Variants in PRDM16 observed in about 807,000 individuals in gnomAD.
PRDM16 encodes histone-lysine N-methyltransferase PRDM16.
In PRDM16, 23 loss-of-function variants were observed where a neutral mutation model predicts 110.6. That is an observed-to-expected ratio of 0.21 (90% CI 0.15 to 0.29). The LOEUF (loss-of-function observed/expected upper bound fraction) is 0.29, where lower values mean the gene tolerates loss of function less well. PRDM16 is among the 10% of genes least tolerant of loss of function. The probability of loss-of-function intolerance (pLI) is 1.00; values close to 1 mark genes in which losing one functional copy is unlikely to be tolerated. For missense variants in PRDM16, 1,615 were observed against 1,794.3 expected, an observed-to-expected ratio of 0.90 and a Z score of 1.81; for synonymous variants, 799 against 781.8, an observed-to-expected ratio of 1.02 and a Z score of -0.37.
chr1:3,091,026 G>A (rs999408930), intron 1 of PRDM16, among the ~76,000 whole-genome samples: 5 of 152,154 alleles, frequency 3.3e-5, no homozygotes, highest in South Asian at 2.1e-4. Context: ...AAGTCTGCCC[G>A]GAGACCTCAG....
intron 3 of PRDM16, among the ~76,000 whole-genome samples, chr1:3,251,878 A>G (rs1435449059): frequency 6.6e-6 from 1 of 152,166 alleles, no homozygotes; most frequent in African/African-American, 2.4e-5. Flanking sequence ...AGCCCTGGTT[A>G]GCCTCTTCTG....
In PRDM16 at chr1:3,258,806, C is replaced by T. The variant is rs1027010006; in HGVS notation, c.438+14669C>T. Among the ~76,000 whole-genome samples, 6 of 152,240 alleles carry T rather than the reference C, an allele frequency of 3.9e-5. No homozygotes were observed. In the South Asian group the frequency reaches 6.2e-4, roughly 16 times the overall value. On this transcript the variant is annotated intron_variant, in intron 3 of 16. Transcript: ENST00000270722. ...AGGGGAAGGGGTGAGCGCGCGGCGG[C>T]TTCTGCCGGGGAACAGGCTCCCTGC...
intron 3 of PRDM16, among the ~76,000 whole-genome samples, chr1:3,360,517 G>A (rs1249348904): frequency 1.3e-5 from 2 of 152,206 alleles, no homozygotes; most frequent in African/African-American, 4.8e-5. Context: ...AGTGCGGGAT[G>A]GACTGTGGCG....
intron 3 of PRDM16, among the ~76,000 whole-genome samples, chr1:3,355,608 C>T (rs747999677): frequency 2.4e-4 from 37 of 152,166 alleles, no homozygotes; most frequent in Admixed American, 3.3e-4. Flanking sequence ...ATCCGCTCGA[C>T]GGTGGGTGCT....
chr1:3,305,006 C>G (rs982496293), intron 3 of PRDM16, among the ~76,000 whole-genome samples: 2 of 152,212 alleles, frequency 1.3e-5, no homozygotes, highest in African/African-American at 4.8e-5. Context: ...CTGTGCACTT[C>G]TGACCAATCG....
chr1:3,092,328 G>T (rs2376816), intron 1 of PRDM16, among the ~76,000 whole-genome samples: 1 of 3,184 alleles, frequency 3.1e-4, no homozygotes, highest in Admixed American at 4.6e-3. Context: ...TGCTCCTGAG[G>T]GTATCAGCCC....
In PRDM16 at chr1:3,404,895, C is replaced by T. The variant is rs752780796; in HGVS notation, c.1032+9C>T. The stretch of plus-strand genomic sequence containing the variant: ...GTGAAAACTGCGTGAAGGTAACCTG[C>T]GGGGCGGCCCCGTCTCAGCCCCGGG... On this transcript the variant is annotated intron_variant, in intron 7 of 16. Transcript: ENST00000270722. 5.0e-6 allele frequency: 8 copies of T among 1,611,428 alleles called. No homozygotes were observed. Among genetic ancestry groups the T allele is most frequent in the African/African-American group, 4.0e-5 (3 of 74,860 alleles).
chr1:3,365,772 A>G (rs1319431928), intron 3 of PRDM16, among the ~76,000 whole-genome samples: 5 of 152,192 alleles, frequency 3.3e-5, no homozygotes, highest in Non-Finnish European at 5.9e-5. Flanking sequence ...GATTAATGAG[A>G]ATTATCATTT....
At chr1:3,283,754 C>T (rs1398131485) in intron 3 of PRDM16, among the ~76,000 whole-genome samples, 1 of 152,150 alleles carries the variant, frequency 6.6e-6, no homozygotes, top group African/African-American at 2.4e-5. Flanking sequence ...GACCAGACCT[C>T]AAGGTCAAAG....
intron 8 of PRDM16, among the ~76,000 whole-genome samples, chr1:3,408,532 GTGTGTGTGGACA>G (rs1643600319): frequency 6.6e-6 from 1 of 151,962 alleles, no homozygotes; most frequent in African/African-American, 2.4e-5. Context: ...GTGTGAGAGC[GTGTGTGTGGACA>G]CATGAGCTGG....
Position 3,411,526 on chromosome 1 carries a change from C to G in PRDM16, c.1329C>G (p.Arg443=), listed in dbSNP as rs982192290. ...CCTCCTCCCTCAACAAGCACCGGCG[C>G]TTCTGCGAGGGCAAGAACCATTACA... is the stretch of plus-strand genomic sequence containing the variant. The part of the protein sequence containing the change: ...STTSSLNKHR[R]FCEGKNHYTP... The change falls in exon 9 of 17, where the codon CGC becomes CGG. Residue 443 remains arginine, a synonymous_variant. Transcript: ENST00000270722. The G allele has an allele frequency of 1.2e-6, 2 of 1,614,194 alleles. No individual in the cohort carries two copies. Among genetic ancestry groups the G allele is most frequent in the Admixed American group, 3.3e-5 (2 of 60,032 alleles).
Position 3,143,164 on chromosome 1 carries a change from G to GC in PRDM16, c.38-42959dup, listed in dbSNP as rs1318570977. On this transcript the variant is annotated intron_variant, in intron 1 of 16. Transcript: ENST00000270722. The surrounding 1 kb of genome is among the most constrained non-coding windows in gnomAD (Gnocchi z 4.5). Reference sequence around the variant, plus strand: ...GACCTTGTGGCAACCGCAGTGCTGGGCCGGGGGGAGTCGCTGGTTTGCAGC... The same window carrying GC: ...GACCTTGTGGCAACCGCAGTGCTGGGCCCGGGGGGAGTCGCTGGTTTGCAGC... 6.6e-6 allele frequency among the ~76,000 whole-genome samples: 1 copy of GC among 152,206 alleles called. No individual in the cohort carries two copies. Among genetic ancestry groups the GC allele is most frequent in the Non-Finnish European group, 1.5e-5 (1 of 68,044 alleles).
chr1:3,364,255 C>A (rs571945443), intron 3 of PRDM16, among the ~76,000 whole-genome samples: 1 of 152,276 alleles, frequency 6.6e-6, no homozygotes, highest in South Asian at 2.1e-4. Flanking sequence ...GCTTTTCCTT[C>A]GGCGTGAGGT....
intron 3 of PRDM16, among the ~76,000 whole-genome samples, chr1:3,333,615 C>T (rs958645087): frequency 1.3e-5 from 2 of 151,600 alleles, no homozygotes; most frequent in African/African-American, 4.9e-5. Flanking sequence ...CTTCTCTTGG[C>T]CAAGAGCCAT....
rs151290694 is a variant in PRDM16, at chr1:3,265,308, G to A, written c.438+21171G>A. Among the ~76,000 whole-genome samples the A allele has an allele frequency of 2.2e-4, 33 of 152,216 alleles. No individual in the cohort carries two copies. The Middle Eastern group carries it at 0.01, about 47-fold the overall frequency. Reference sequence around the variant, plus strand: ...AGGGGGAGCGGACAGGAATGCAGGTGTGGGTGGGAAGGGGCTGAAAACGGA... The same window carrying A: ...AGGGGGAGCGGACAGGAATGCAGGTATGGGTGGGAAGGGGCTGAAAACGGA... On this transcript the variant is annotated intron_variant, in intron 3 of 16. Coordinates refer to ENST00000270722, the MANE Select transcript of PRDM16 (RefSeq NM_022114.4). The surrounding 1 kb of genome is among the most constrained non-coding windows in gnomAD (Gnocchi z 4.5).
At chr1:3,431,866 G>A (rs917629684) in intron 15 of PRDM16, 100 bp from the exon 16 acceptor site, 16 of 1,176,582 alleles carry the variant, frequency 1.4e-5, no homozygotes, top group African/African-American at 3.0e-5. Flanking sequence ...GAGATGCAGC[G>A]GCGTGCATGC....
At chr1:3,317,212 G>A (rs1311660144) in intron 3 of PRDM16, among the ~76,000 whole-genome samples, 1 of 152,186 alleles carries the variant, frequency 6.6e-6, no homozygotes, top group East Asian at 1.9e-4. Flanking sequence ...CGCTTGGTAC[G>A]AGGGATGTTT....
intron 3 of PRDM16, among the ~76,000 whole-genome samples, chr1:3,332,746 C>A (rs557463050): frequency 6.6e-6 from 1 of 152,092 alleles, no homozygotes; most frequent in Admixed American, 6.5e-5. Flanking sequence ...CCCGTCCCCC[C>A]AGGCCCTGAC....
chr1:3,146,066 G>A (rs1197576718), intron 1 of PRDM16, among the ~76,000 whole-genome samples: 1 of 152,194 alleles, frequency 6.6e-6, no homozygotes, highest in African/African-American at 2.4e-5. Flanking sequence ...CAGAGGGTTT[G>A]GCCGAGCAGG....
Sources: gnomAD v4.1 joint callset for allele counts (sites outside exome capture counted in the v4.1 genomes callset) on GRCh38, gnomAD v4.1.1 for gene constraint, Gnocchi (gnomAD v3.1) non-coding constraint, MANE v1.5 for transcripts, NCBI Gene and HGNC (gene_info 2026-07-23, HGNC 2026-07-21) for gene names.